MDGA2: variants seen among roughly 807,000 people sequenced by gnomAD.
MDGA2 encodes the protein MAM domain containing glycosylphosphatidylinositol anchor 2.
Under a neutral mutation model 117.8 loss-of-function variants are expected in MDGA2, and 40 were observed. The observed-to-expected ratio is 0.34, with a 90% CI of 0.26 to 0.44. The LOEUF is 0.44. Ranked by LOEUF, MDGA2 falls within the 20% of genes least tolerant of loss-of-function variation. The pLI, the probability that MDGA2 is intolerant of heterozygous loss-of-function variation, is 1.00. For missense variants in MDGA2, 1,123 were observed against 1,250.6 expected, an observed-to-expected ratio of 0.90 and a Z score of 1.54; for synonymous variants, 452 against 439.0, an observed-to-expected ratio of 1.03 and a Z score of -0.37.
In MDGA2 at chr14:46,957,868, G is replaced by A. The variant is rs932746526; in HGVS notation, c.1820-225C>T. 5.3e-5 allele frequency among the ~76,000 whole-genome samples: 8 copies of A among 152,266 alleles called. No homozygotes were observed. In the East Asian group the frequency reaches 7.7e-4, roughly 15 times the overall value. On this transcript the variant is annotated intron_variant, in intron 8 of 16. Coordinates refer to ENST00000399232, the MANE Select transcript of MDGA2 (RefSeq NM_001113498.3). Reference sequence around the variant, plus strand: ...GCCTCCTTGCTTTACAAATGCATTTGCAGGTGAAACTACTAGAGCTGACTG... The same window carrying A: ...GCCTCCTTGCTTTACAAATGCATTTACAGGTGAAACTACTAGAGCTGACTG...
At chr14:47,623,138 C>T (rs1897080060) in intron 1 of MDGA2, among the ~76,000 whole-genome samples, 2 of 152,080 alleles carry the variant, frequency 1.3e-5, no homozygotes, top group African/African-American at 4.8e-5. Context: ...GGAGTGGGTT[C>T]CTGATAAAAC....
intron 7 of MDGA2, among the ~76,000 whole-genome samples, chr14:47,042,347 A>G (rs1432004784): frequency 1.4e-5 from 2 of 139,294 alleles, no homozygotes; most frequent in African/African-American, 5.4e-5. Context: ...GTGTGTGTGT[A>G]TGCACACGCA....
chr14:47,405,125 T>G (rs560430173), intron 1 of MDGA2, among the ~76,000 whole-genome samples: 2 of 152,342 alleles, frequency 1.3e-5, no homozygotes, highest in Admixed American at 6.5e-5. Flanking sequence ...ATATGCATTA[T>G]GCTTATGTAA....
intron 1 of MDGA2, among the ~76,000 whole-genome samples, chr14:47,603,753 T>C (rs2138885052): frequency 6.6e-6 from 1 of 152,212 alleles, no homozygotes; most frequent in African/African-American, 2.4e-5. Flanking sequence ...TGAAATGTAA[T>C]CTCCAATTCT....
intron 1 of MDGA2, among the ~76,000 whole-genome samples, chr14:47,431,241 G>C (rs75590419): frequency 0.017 from 2,615 of 151,866 alleles, 51 homozygotes; most frequent in East Asian, 0.098. Context: ...TATCACCATA[G>C]GCAATGGCAA....
intron 11 of MDGA2, among the ~76,000 whole-genome samples, chr14:46,877,863 T>C (rs1189133714): frequency 6.6e-6 from 1 of 151,890 alleles, no homozygotes; most frequent in Admixed American, 6.6e-5. Flanking sequence ...TAGGCCAATC[T>C]ATAATCTAGG....
chr14:46,978,009 T>C (rs1273171927), intron 8 of MDGA2, among the ~76,000 whole-genome samples: 1 of 151,932 alleles, frequency 6.6e-6, no homozygotes, highest in African/African-American at 2.4e-5. Context: ...GGCTTAACAG[T>C]TTTTTTCAGA....
chr14:47,569,937 G>C (rs917909512), intron 1 of MDGA2, among the ~76,000 whole-genome samples: 9 of 152,230 alleles, frequency 5.9e-5, no homozygotes, highest in African/African-American at 1.9e-4. Context: ...CATTCATAGA[G>C]CAAAAACTTT....
chr14:47,157,998 A>T (rs1056409303), intron 3 of MDGA2, among the ~76,000 whole-genome samples: 1 of 113,428 alleles, frequency 8.8e-6, no homozygotes, highest in Admixed American at 1.1e-4. Context: ...AGACTAATAC[A>T]GTATCTATAC....
Position 47,514,314 on chromosome 14 carries a change from C to T in MDGA2, c.280+160203G>A, listed in dbSNP as rs76946502. On this transcript the variant is annotated intron_variant, in intron 1 of 16. Transcript: ENST00000399232. ...AAGTTCCTGAGAAATGTGACACTGACGAGCCATCTTTCATTTGTGAGCTCC... is the reference window on the plus strand; with the variant it reads ...AAGTTCCTGAGAAATGTGACACTGATGAGCCATCTTTCATTTGTGAGCTCC... 4.6e-3 allele frequency among the ~76,000 whole-genome samples: 703 copies of T among 152,042 alleles called. 5 individuals carry two copies. Among genetic ancestry groups the T allele is most frequent in the African/African-American group, 0.016 (650 of 41,510 alleles).
At chr14:47,628,594 GACCA>G (rs1197064117) in intron 1 of MDGA2, among the ~76,000 whole-genome samples, 23 of 152,316 alleles carry the variant, frequency 1.5e-4, no homozygotes, top group African/African-American at 5.5e-4. Context: ...AATTTTCAAA[GACCA>G]ACCAAAACTC....
intron 1 of MDGA2, among the ~76,000 whole-genome samples, chr14:47,316,139 T>A (rs1889802987): frequency 6.6e-6 from 1 of 152,104 alleles, no homozygotes; most frequent in African/African-American, 2.4e-5. Context: ...CTCATACTGT[T>A]GTAGCACTCA....
At chr14:47,531,061 C>T (rs929057490) in intron 1 of MDGA2, among the ~76,000 whole-genome samples, 2 of 152,084 alleles carry the variant, frequency 1.3e-5, no homozygotes, top group Non-Finnish European at 2.9e-5. Flanking sequence ...CTGGCTAACA[C>T]GATGAAACCC....
intron 1 of MDGA2, among the ~76,000 whole-genome samples, chr14:47,537,603 A>AAAAAAAAAAAAAAAAAAAAAT: frequency 6.8e-6 from 1 of 146,898 alleles, no homozygotes; most frequent in African/African-American, 2.6e-5. Flanking sequence ...AAAAAAAAAA[A>AAAAAAAAAAAAAAAAAAAAAT]AAAAAAAAAA....
intron 1 of MDGA2, among the ~76,000 whole-genome samples, chr14:47,620,365 G>T (rs970089401): frequency 2.6e-5 from 4 of 152,180 alleles, no homozygotes; most frequent in Non-Finnish European, 5.9e-5. Flanking sequence ...CATATATAAA[G>T]ATACTCTTAG....
intron 1 of MDGA2, chr14:47,626,478 G>T (rs1374871454): frequency 1.3e-5 from 2 of 152,774 alleles, no homozygotes; most frequent in Non-Finnish European, 2.9e-5. Context: ...CCTTCAGCCC[G>T]CCGCTGCACT....
chr14:47,432,530 T>C (rs1034559515), intron 1 of MDGA2, among the ~76,000 whole-genome samples: 5 of 152,070 alleles, frequency 3.3e-5, no homozygotes, highest in African/African-American at 1.2e-4. Context: ...CCATGGTATA[T>C]TTAGTTGAAA....
At chr14:46,889,571 T>G (rs1203787993) in intron 10 of MDGA2, among the ~76,000 whole-genome samples, 2 of 152,128 alleles carry the variant, frequency 1.3e-5, no homozygotes, top group Admixed American at 1.3e-4. Flanking sequence ...CATTTATTTT[T>G]TATGTCCTTG....
chr14:46,992,000 T>C (rs17560594), intron 8 of MDGA2, among the ~76,000 whole-genome samples: 16,759 of 152,072 alleles, frequency 0.11, 1,177 homozygotes, highest in Middle Eastern at 0.19. Context: ...ATGGTCTCAC[T>C]AGGAGGAGAA....
Sources: gnomAD v4.1 joint callset for allele counts (sites outside exome capture counted in the v4.1 genomes callset) on GRCh38, gnomAD v4.1.1 for gene constraint, MANE v1.5 for transcripts, NCBI Gene and HGNC (gene_info 2026-07-23, HGNC 2026-07-21) for gene names.